LTK: variants seen among roughly 807,000 people sequenced by gnomAD.
The protein encoded by LTK is leukocyte tyrosine kinase receptor.
LTK carries 117 observed loss-of-function variants against 101.5 expected under a neutral mutation model. That is an observed-to-expected ratio of 1.15 (90% CI 0.99 to 1.34). The LOEUF (loss-of-function observed/expected upper bound fraction) is 1.34, where lower values mean the gene tolerates loss of function less well. Ranked by LOEUF, LTK falls within the 40% of genes most tolerant of loss-of-function variation. The pLI is 0.00. For missense variants in LTK, 1,252 were observed against 1,164.7 expected, an observed-to-expected ratio of 1.07 and a Z score of -1.09; for synonymous variants, 563 against 494.2, an observed-to-expected ratio of 1.14 and a Z score of -1.85.
chr15:41,511,979 G>A lies in LTK; in HGVS notation c.511-16C>T. Reference sequence around the variant, plus strand: ...CCGGGCTACCCTGCGGGCAGCGGGGGAGGGAATCGGCGGGGCCCGGGAGCC... The same window carrying A: ...CCGGGCTACCCTGCGGGCAGCGGGGAAGGGAATCGGCGGGGCCCGGGAGCC... On this transcript the variant is annotated splice_polypyrimidine_tract_variant and intron_variant, in intron 4 of 19. Coordinates refer to ENST00000263800, the MANE Select transcript of LTK (RefSeq NM_002344.6). The surrounding 1 kb of genome is among the most constrained non-coding windows in gnomAD (Gnocchi z 5.9). 6.8e-7 allele frequency: 1 copy of A among 1,461,650 alleles called. No individual in the cohort carries two copies. Among genetic ancestry groups the A allele is most frequent in the East Asian group, 2.5e-5 (1 of 39,308 alleles). 90.5% of individuals were successfully genotyped at this position (1,461,650 alleles called of 1,614,324 possible).
Position 41,511,828 on chromosome 15 carries a change from A to C in LTK, c.646T>G (p.Tyr216Asp). Residue 216 changes from tyrosine to aspartate, a missense_variant, in exon 5 of 20, where the codon TAC (tyrosine) becomes GAC (aspartate). Tyr to Asp is a radical substitution (Grantham distance 160). Coordinates refer to ENST00000263800, the MANE Select transcript of LTK (RefSeq NM_002344.6). The surrounding 1 kb of genome is among the most constrained non-coding windows in gnomAD (Gnocchi z 5.9). ...AAGGGAGCACGTACCCGGAAAACGT[A>C]GGTGGCGCCCCCGCCACCCCCGCCA... is the stretch of plus-strand genomic sequence containing the variant. ...GGGGGGGGAT[Y>D]VFRVRAGELE... 1 of 1,489,048 alleles carries C rather than the reference A, an allele frequency of 6.7e-7. No homozygotes were observed. Among genetic ancestry groups the C allele is most frequent in the South Asian group, 1.3e-5 (1 of 78,196 alleles). 92.2% of individuals were successfully genotyped at this position (1,489,048 alleles called of 1,614,324 possible).
chr15:41,504,932 C>T, intron 16 of LTK, 40 bp downstream of exon 16: 1 of 1,597,662 alleles, frequency 6.3e-7, no homozygotes, highest in Non-Finnish European at 8.5e-7. Flanking sequence ...GGGGAAAACC[C>T]CCTTGGAGCA....
chr15:41,504,217 G>A lies in LTK; in HGVS notation c.2374C>T (p.Pro792Ser), dbSNP rs760274070. The A allele has an allele frequency of 1.9e-6, 3 of 1,610,786 alleles. No individual in the cohort carries two copies. In the East Asian group the frequency reaches 6.7e-5, roughly 36 times the overall value. ...QDPDVLNSLL[P>S]MELGPTPEEE... is the part of the protein sequence containing the mutation. Reference sequence around the variant, plus strand: ...TCTGGGGTGGGCCCCAGCTCCATTGGCAGGAGTGAATTCAGCACATCCGGG... The same window carrying A: ...TCTGGGGTGGGCCCCAGCTCCATTGACAGGAGTGAATTCAGCACATCCGGG... The change falls in exon 20 of 20, where the codon CCA becomes TCA. Residue 792 changes from proline to serine, a missense_variant. Physicochemically the swap from Pro to Ser is moderately conservative, Grantham distance 74. Transcript: ENST00000263800.
chr15:41,505,648 G>A, intron 13 of LTK, 65 bp downstream of exon 13: 5 of 1,607,144 alleles, frequency 3.1e-6, no homozygotes, highest in Non-Finnish European at 4.3e-6. Context: ...GCCTCAGGGT[G>A]AAGAGAAACT....
Position 41,504,485 on chromosome 15 carries a change from C to T in LTK, c.2255+21G>A, listed in dbSNP as rs370153109. 120 of 1,613,552 alleles carry T rather than the reference C, an allele frequency of 7.4e-5. No individual in the cohort carries two copies. In the African/African-American group the frequency reaches 1.5e-3, roughly 20 times the overall value. ...CCCATGGTTGTGAAGGACCTCCCTT[C>T]CCGGGCAGCACTCAACTCACACAGG... On this transcript the variant is annotated intron_variant, in intron 18 of 19. Coordinates refer to ENST00000263800, the MANE Select transcript of LTK (RefSeq NM_002344.6).
At position 41,505,465 on chromosome 15, in the gene LTK, A is replaced by G. The variant is rs751826581; in HGVS notation, c.1763T>C (p.Ile588Thr). The G allele has an allele frequency of 6.2e-7, 1 of 1,614,118 alleles. No homozygotes were observed. Among genetic ancestry groups the G allele is most frequent in the East Asian group, 2.2e-5 (1 of 44,882 alleles). The change falls in exon 14 of 20, where the codon ATT becomes ACT. Residue 588 changes from isoleucine to threonine, a missense_variant. Transcript: ENST00000263800. ...GLSLRATPRLILLELMSGGDM... is the reference protein window; with the variant it reads ...GLSLRATPRLTLLELMSGGDM... The stretch of plus-strand genomic sequence containing the variant: ...CCCTCCAGACATCAGTTCCAGCAGA[A>G]TGAGGCGAGGGGTGGCCCTGAGGCT...
In LTK at chr15:41,511,681, CCCCCA is replaced by C; in HGVS notation, c.658-108_658-104del. 1 of 1,401,846 alleles carries C rather than the reference CCCCCA, an allele frequency of 7.1e-7. No individual in the cohort carries two copies. Among genetic ancestry groups the C allele is most frequent in the African/African-American group, 1.5e-5 (1 of 65,328 alleles). The allele number at this position is 1,401,846 out of a possible 1,614,324, so 86.8% of individuals were successfully genotyped here. On this transcript the variant is annotated intron_variant, in intron 5 of 19. Transcript: ENST00000263800. The surrounding 1 kb of genome is among the most constrained non-coding windows in gnomAD (Gnocchi z 5.9). The stretch of plus-strand genomic sequence containing the variant: ...CAGGGGGCCTGGATAAGGGCAGGGG[CCCCCA>C]GCCCAGCCCAGGCCAGCCCAGCCCA...
intron 8 of LTK, among the ~76,000 whole-genome samples, chr15:41,508,598 AATAAATAC>A (rs1173295592): frequency 2.1e-5 from 3 of 143,518 alleles, no homozygotes; most frequent in African/African-American, 2.5e-5. Flanking sequence ...TAAATAAATA[AATAAATAC>A]ATGCCTTTTC....
At position 41,505,519 on chromosome 15, in the gene LTK, T is replaced by A. The variant is rs564175604; in HGVS notation, c.1709A>T (p.His570Leu). ...CCCCACACACCGCACAATGTTCTGA[T>A]GGCGAAACTTGCTGAGTGGGGTGGG... ...MEALIISKFRHQNIVRCVGLS... is the reference protein window; with the variant it reads ...MEALIISKFRLQNIVRCVGLS... Residue 570 changes from histidine to leucine, a missense_variant, in exon 14 of 20, where the codon CAT (histidine) becomes CTT (leucine). Physicochemically the swap from His to Leu is moderately conservative, Grantham distance 99. Coordinates refer to ENST00000263800, the MANE Select transcript of LTK (RefSeq NM_002344.6). 3 of 1,613,918 alleles carry A rather than the reference T, an allele frequency of 1.9e-6. No individual in the cohort carries two copies. Among genetic ancestry groups the A allele is most frequent in the South Asian group, 2.2e-5 (2 of 91,060 alleles).
intron 8 of LTK, 132 bp from the exon 9 acceptor site, chr15:41,508,353 G>T: frequency 1.5e-6 from 1 of 676,010 alleles, no homozygotes; most frequent in Non-Finnish European, 2.3e-6. Context: ...CGGATCACCG[G>T]AGGTCAGAAG....
Position 41,512,610 on chromosome 15 carries a change from C to T in LTK, c.359+97G>A, listed in dbSNP as rs78583781. Reference sequence around the variant, plus strand: ...AGGTGGACCTCCCCGCGGAATAGTCCAAGACGCAAGTCGGTGCGCACGTGG... The same window carrying T: ...AGGTGGACCTCCCCGCGGAATAGTCTAAGACGCAAGTCGGTGCGCACGTGG... On this transcript the variant is annotated intron_variant, in intron 3 of 19. Coordinates refer to ENST00000263800, the MANE Select transcript of LTK (RefSeq NM_002344.6). 2.6e-4 allele frequency: 357 copies of T among 1,396,860 alleles called. 4 individuals are homozygous for T. In the East Asian group the frequency reaches 8.7e-3, roughly 34 times the overall value. 86.5% of individuals were successfully genotyped at this position (1,396,860 alleles called of 1,614,324 possible).
In LTK at chr15:41,511,896, T is replaced by A; in HGVS notation, c.578A>T (p.Asp193Val). The A allele has an allele frequency of 8.0e-7, 1 of 1,249,770 alleles. No individual in the cohort carries two copies. Among genetic ancestry groups the A allele is most frequent in the Non-Finnish European group, 1.0e-6 (1 of 981,130 alleles). The allele number at this position is 1,249,770 out of a possible 1,614,324, so 77.4% of individuals were successfully genotyped here. A position where few individuals can be genotyped will look rare whatever the true frequency, so the allele number is the denominator to read the frequency against. Residue 193 changes from aspartate to valine, a missense_variant, in exon 5 of 20, where the codon GAT (aspartate) becomes GTT (valine). Transcript: ENST00000263800. This position sits in a 1 kb window ranked among gnomAD's most constrained non-coding sequence, Gnocchi z 5.9. ...SRAVEEHAAMDGSEGVPGSRR... is the reference protein window; with the variant it reads ...SRAVEEHAAMVGSEGVPGSRR... ...CGACCCCGGGACCCCTTCGCTCCCA[T>A]CCATCGCCGCGTGCTCTTCAACGGC... is the stretch of plus-strand genomic sequence containing the variant.
At position 41,513,131 on chromosome 15, in the gene LTK, T is replaced by C. The variant is rs751050202; in HGVS notation, c.44-11A>G. ...AGCAGAGAATGGCGCCTGAAAGGTGTTGGGAGAAGGCGCAGGACGTTAAGG... is the reference window on the plus strand; with the variant it reads ...AGCAGAGAATGGCGCCTGAAAGGTGCTGGGAGAAGGCGCAGGACGTTAAGG... On this transcript the variant is annotated splice_polypyrimidine_tract_variant and intron_variant, in intron 1 of 19. Transcript: ENST00000263800. The C allele has an allele frequency of 3.1e-6, 5 of 1,589,300 alleles. No individual in the cohort carries two copies. In the East Asian group the frequency reaches 6.8e-5, roughly 22 times the overall value.
rs2051227718 is a variant in LTK at position 41,505,221 on chromosome 15, G to C, written c.1912C>G (p.His638Asp). 1 of 1,613,980 alleles carries C rather than the reference G, an allele frequency of 6.2e-7. No individual in the cohort carries two copies. Among genetic ancestry groups the C allele is most frequent in the East Asian group, 2.2e-5 (1 of 44,880 alleles). The change falls in exon 15 of 20, where the codon CAC (histidine) becomes GAC (aspartate). Residue 638 changes from histidine (H) to aspartate (D), a missense_variant. By Grantham distance (81) the His-to-Asp change is moderately conservative (BLOSUM62 -1). Transcript: ENST00000263800. ...AQGCHYLEEN[H>D]FIHRDIAARN... Reference sequence around the variant, plus strand: ...ACTGCTCCTAACCTGTGGATGAAGTGATTTTCCTCCAGGTAGTGGCAGCCC... The same window carrying C: ...ACTGCTCCTAACCTGTGGATGAAGTCATTTTCCTCCAGGTAGTGGCAGCCC...
chr15:41,504,593 G>T lies in LTK; in HGVS notation c.2168C>A (p.Pro723His). 2 of 1,613,780 alleles carry T rather than the reference G, an allele frequency of 1.2e-6. No individual in the cohort carries two copies. Among genetic ancestry groups the T allele is most frequent in the South Asian group, 2.2e-5 (2 of 91,090 alleles). The change falls in exon 18 of 20, where the codon CCC becomes CAC. Residue 723 changes from proline to histidine, a missense_variant. Physicochemically the swap from Pro to His is moderately conservative, Grantham distance 77. Coordinates refer to ENST00000263800, the MANE Select transcript of LTK (RefSeq NM_002344.6). ...LWEIFSLGYM[P>H]YPGRTNQEVL... ...CTCCTGGTTGGTGCGCCCAGGATAGGGCATGTAGCCCAGTGAGAAGATCTC... is the reference window on the plus strand; with the variant it reads ...CTCCTGGTTGGTGCGCCCAGGATAGTGCATGTAGCCCAGTGAGAAGATCTC...
In LTK at chr15:41,505,501, C is replaced by T; in HGVS notation, c.1727G>A (p.Cys576Tyr). The T allele has an allele frequency of 6.2e-7, 1 of 1,614,044 alleles. No individual in the cohort carries two copies. Among genetic ancestry groups the T allele is most frequent in the South Asian group, 1.1e-5 (1 of 91,072 alleles). ...GGTGGCCCTGAGGCTGAGCCCCACA[C>T]ACCGCACAATGTTCTGATGGCGAAA... ...SKFRHQNIVR[C>Y]VGLSLRATPR... Residue 576 changes from cysteine (C) to tyrosine (Y), a missense_variant, in exon 14 of 20, where the codon TGT (cysteine) becomes TAT (tyrosine). By Grantham distance (194) the Cys-to-Tyr change is radical (BLOSUM62 -2). Coordinates refer to ENST00000263800, the MANE Select transcript of LTK (RefSeq NM_002344.6).
intron 8 of LTK, among the ~76,000 whole-genome samples, chr15:41,508,548 C>G (rs1182192350): frequency 6.7e-6 from 1 of 148,474 alleles, no homozygotes; most frequent in African/African-American, 2.5e-5. Flanking sequence ...CAGAGCGAGA[C>G]TCTGTCTCAA....
Position 41,508,112 on chromosome 15 carries a change from G to A in LTK, c.1206C>T (p.Cys402=), listed in dbSNP as rs2051344467. 1.2e-6 allele frequency: 2 copies of A among 1,613,150 alleles called. No individual in the cohort carries two copies. The highest frequency in any genetic ancestry group is 8.5e-7 in the Non-Finnish European group (1 of 1,179,714). ...CCACAGCTAGCTCCATGCCTTCTGG[G>A]CACAGGCATTCAGCCAGCTGGAGCT... is the stretch of plus-strand genomic sequence containing the variant. The part of the protein sequence containing the change: ...QAELQLAECL[C]PEGMELAVDN... Residue 402 remains cysteine (C), a synonymous_variant, in exon 9 of 20, where the codon TGC becomes TGT. Transcript: ENST00000263800.
At chr15:41,513,161 T>A in intron 1 of LTK, 41 bp from the exon 2 acceptor site, 2 of 1,536,592 alleles carry the variant, frequency 1.3e-6, no homozygotes, top group Non-Finnish European at 1.7e-6. Context: ...TTAAGGCGGG[T>A]GGAAATAGGA....
Sources: allele counts gnomAD v4.1 joint callset (sites outside exome capture counted in the v4.1 genomes callset), GRCh38; gene constraint gnomAD v4.1.1; non-coding constraint Gnocchi (gnomAD v3.1); transcripts MANE v1.5; gene names NCBI Gene and HGNC (gene_info 2026-07-23, HGNC 2026-07-21).